RSU1: variants seen among roughly 807,000 people sequenced by gnomAD.
RSU1 encodes the protein Ras suppressor protein 1, also known as rsu-1.
In RSU1, 26 loss-of-function variants were observed where a neutral mutation model predicts 31.1. That is an observed-to-expected ratio of 0.84 (90% CI 0.61 to 1.16). The LOEUF (loss-of-function observed/expected upper bound fraction) is 1.16, where lower values mean the gene tolerates loss of function less well. Among genes scored for constraint, RSU1 ranks in the 50% most tolerant of loss-of-function variants. RSU1 has a pLI of 0.00. For missense variants in RSU1, 320 were observed against 339.1 expected, an observed-to-expected ratio of 0.94 and a Z score of 0.44; for synonymous variants, 164 against 136.3, an observed-to-expected ratio of 1.20 and a Z score of -1.41.
chr10:16,632,529 T>C (rs1226521442), intron 8 of RSU1, among the ~76,000 whole-genome samples: 1 of 152,214 alleles, frequency 6.6e-6, no homozygotes. Context: ...GGTTGAAAGC[T>C]GGCAAACTGC....
At chr10:16,722,855 T>TATACATATATGCATATATACACAC (rs1564332459) in intron 7 of RSU1, among the ~76,000 whole-genome samples, 1 of 50,680 alleles carries the variant, frequency 2.0e-5, no homozygotes, top group Non-Finnish European at 4.1e-5. Flanking sequence ...TATACACACA[T>TATACATATATGCATATATACACAC]ATATACATAT....
In RSU1 at chr10:16,723,273, G is replaced by A. The variant is rs1040208068; in HGVS notation, c.599-28118C>T. On this transcript the variant is annotated intron_variant, in intron 7 of 8. Coordinates refer to ENST00000345264, the MANE Select transcript of RSU1 (RefSeq NM_012425.4). ...TCTCTTTAATTATATAAGATCCAAC[G>A]TTTTTTCAACCTTCAGATAAAAAAT... The A allele has an allele frequency of 4.6e-5, 7 of 152,182 alleles. No homozygotes were observed. In the South Asian group the frequency reaches 8.3e-4, roughly 18 times the overall value. The allele number at this position is 152,182 out of a possible 1,614,324, so 9.4% of individuals were successfully genotyped here.
intron 8 of RSU1, among the ~76,000 whole-genome samples, chr10:16,623,597 C>T (rs996881217): frequency 6.6e-6 from 1 of 152,168 alleles, no homozygotes; most frequent in Non-Finnish European, 1.5e-5. Flanking sequence ...CAGTAATCTC[C>T]AAACTGCTTT....
At chr10:16,705,232 T>C (rs1835873080) in intron 7 of RSU1, among the ~76,000 whole-genome samples, 1 of 152,168 alleles carries the variant, frequency 6.6e-6, no homozygotes. Flanking sequence ...TATTCCACTG[T>C]ATATACAGTC....
chr10:16,669,410 T>C (rs1021851926), intron 8 of RSU1, among the ~76,000 whole-genome samples: 3 of 152,104 alleles, frequency 2.0e-5, no homozygotes, highest in African/African-American at 7.2e-5. Flanking sequence ...TTAACCATTT[T>C]TCATTAATTC....
rs1464207727 is a variant in RSU1, at chr10:16,731,053, A to C, written c.598+21486T>G. 2.6e-5 allele frequency among the ~76,000 whole-genome samples: 4 copies of C among 152,116 alleles called. No homozygotes were observed. The East Asian group carries it at 7.7e-4, about 29-fold the overall frequency. Reference sequence around the variant, plus strand: ...TGGCCAGGCTGGTCTAGAACTCCTGATGCACCTGCCTTAGACTCCCAAAGT... The same window carrying C: ...TGGCCAGGCTGGTCTAGAACTCCTGCTGCACCTGCCTTAGACTCCCAAAGT... On this transcript the variant is annotated intron_variant, in intron 7 of 8. Transcript: ENST00000345264.
chr10:16,791,732 A>T (rs911533053), intron 2 of RSU1, among the ~76,000 whole-genome samples: 37 of 152,210 alleles, frequency 2.4e-4, no homozygotes, highest in African/African-American at 8.9e-4. Flanking sequence ...AGTATTTGAA[A>T]TAGGTCCCGC....
intron 7 of RSU1, among the ~76,000 whole-genome samples, chr10:16,739,667 G>A (rs7073412): frequency 0.037 from 5,543 of 151,684 alleles, 349 homozygotes; most frequent in African/African-American, 0.13. Flanking sequence ...TGCCCAGGCC[G>A]GAGTGCAATG....
chr10:16,679,395 G>A (rs538027682), intron 8 of RSU1, among the ~76,000 whole-genome samples: 1 of 152,208 alleles, frequency 6.6e-6, no homozygotes, highest in Admixed American at 6.5e-5. Flanking sequence ...TACATACAAG[G>A]CATACAATGT....
At chr10:16,790,381 C>T (rs891207942) in intron 2 of RSU1, among the ~76,000 whole-genome samples, 37 of 152,120 alleles carry the variant, frequency 2.4e-4, no homozygotes, top group African/African-American at 5.8e-4. Flanking sequence ...ACACAACTTA[C>T]GGAACAGAGA....
chr10:16,799,427 G>C (rs1218621201), intron 2 of RSU1, among the ~76,000 whole-genome samples: 2 of 152,160 alleles, frequency 1.3e-5, no homozygotes, highest in African/African-American at 4.8e-5. Flanking sequence ...ACCTGCTGGA[G>C]CCAGCAACCG....
intron 8 of RSU1, among the ~76,000 whole-genome samples, chr10:16,678,422 T>C (rs1473105366): frequency 1.3e-5 from 2 of 152,186 alleles, no homozygotes; most frequent in African/African-American, 4.8e-5. Context: ...AAGCTGTCTT[T>C]CAAATTGTCT....
chr10:16,668,744 G>C (rs1004411795), intron 8 of RSU1, among the ~76,000 whole-genome samples: 2 of 151,884 alleles, frequency 1.3e-5, no homozygotes, highest in Non-Finnish European at 2.9e-5. Context: ...AACTTTCCTA[G>C]ATCTGTAAAT....
chr10:16,637,707 TAA>T (rs748780356), intron 8 of RSU1, among the ~76,000 whole-genome samples: 3 of 151,940 alleles, frequency 2.0e-5, no homozygotes, highest in Non-Finnish European at 4.4e-5. Flanking sequence ...CTAGGCATTA[TAA>T]GAGTGAGCAT....
intron 8 of RSU1, among the ~76,000 whole-genome samples, chr10:16,597,311 G>A (rs189912304): frequency 6.6e-5 from 10 of 152,286 alleles, no homozygotes; most frequent in Admixed American, 5.9e-4. Flanking sequence ...GGAGCGAACT[G>A]GAATGTTCCA....
intron 4 of RSU1, among the ~76,000 whole-genome samples, chr10:16,757,031 G>T (rs1339785275): frequency 6.7e-6 from 1 of 148,402 alleles, no homozygotes; most frequent in Non-Finnish European, 1.5e-5. Flanking sequence ...TGTACGCAGT[G>T]TGTGTGTGGT....
chr10:16,609,743 T>C (rs1042801922), intron 8 of RSU1, among the ~76,000 whole-genome samples: 2 of 152,210 alleles, frequency 1.3e-5, no homozygotes, highest in Non-Finnish European at 2.9e-5. Context: ...AAGATTTCCA[T>C]CCAACATATC....
At chr10:16,730,985 A>G (rs1337325425) in intron 7 of RSU1, among the ~76,000 whole-genome samples, 2 of 151,988 alleles carry the variant, frequency 1.3e-5, no homozygotes, top group Non-Finnish European at 2.9e-5. Flanking sequence ...CACCACGCCC[A>G]GCTTATTTTT....
intron 8 of RSU1, among the ~76,000 whole-genome samples, chr10:16,629,008 C>T (rs1426354278): frequency 6.6e-6 from 1 of 152,144 alleles, no homozygotes; most frequent in East Asian, 1.9e-4. Context: ...TCATATATTC[C>T]TCAAATGCAT....
Sources: gnomAD v4.1 joint callset for allele counts (sites outside exome capture counted in the v4.1 genomes callset) on GRCh38, gnomAD v4.1.1 for gene constraint, MANE v1.5 for transcripts, NCBI Gene and HGNC (gene_info 2026-07-23, HGNC 2026-07-21) for gene names.